The following ATP8B4 variants were observed in gnomAD, a reference collection of about 807,000 sequenced individuals.
ATP8B4 encodes ATPase phospholipid transporting 8B4 (putative).
A neutral mutation model predicts 145.6 loss-of-function variants in ATP8B4; 133 were observed. That is an observed-to-expected ratio of 0.91 (90% CI 0.79 to 1.05). The LOEUF is 1.05. Ranked by LOEUF, ATP8B4 falls within the 50% of genes least tolerant of loss-of-function variation. The pLI, the probability that ATP8B4 is intolerant of heterozygous loss-of-function variation, is 0.00. For synonymous variants in ATP8B4, 507 were observed against 492.9 expected (o/e 1.03, Z -0.38); for missense variants, 1,458 against 1,425.2 (o/e 1.02, Z -0.37).
rs1225251097 is a variant in ATP8B4, at chr15:49,947,935, G to A, written c.1288-13753C>T. ...ATATGCACAGGCAAAAGAAAAAAAT[G>A]GACCATTATCTTACATCTAACACAA... On this transcript the variant is annotated intron_variant, in intron 14 of 27. Coordinates refer to ENST00000284509, the MANE Select transcript of ATP8B4 (RefSeq NM_024837.4). Among the ~76,000 whole-genome samples the A allele has an allele frequency of 2.0e-5, 3 of 152,004 alleles. No homozygotes were observed. In the East Asian group the frequency reaches 5.8e-4, roughly 29 times the overall value.
chr15:50,042,269 A>G (rs2051353110), intron 5 of ATP8B4, among the ~76,000 whole-genome samples: 1 of 152,230 alleles, frequency 6.6e-6, no homozygotes, highest in African/African-American at 2.4e-5. Flanking sequence ...ATTCTTTAAA[A>G]AATGATATAT....
At chr15:49,984,736 T>C (rs1427269450) in intron 10 of ATP8B4, among the ~76,000 whole-genome samples, 1 of 151,808 alleles carries the variant, frequency 6.6e-6, no homozygotes, top group East Asian at 1.9e-4. Flanking sequence ...CCTATTAGTA[T>C]AAACCATACA....
At chr15:50,165,099 A>C (rs1275774390) in intron 1 of ATP8B4, among the ~76,000 whole-genome samples, 1 of 151,068 alleles carries the variant, frequency 6.6e-6, no homozygotes, top group Non-Finnish European at 1.5e-5. Flanking sequence ...ACCCATGCTG[A>C]AGTCCAGCGG....
intron 15 of ATP8B4, among the ~76,000 whole-genome samples, chr15:49,931,734 G>A (rs2041275924): frequency 6.6e-6 from 1 of 151,856 alleles, no homozygotes; most frequent in Non-Finnish European, 1.5e-5. Flanking sequence ...ATTTTATACT[G>A]GTGGAACCTA....
rs745831786 is a variant in ATP8B4, at chr15:49,876,516, C to T, written c.2789G>A (p.Ser930Asn). ...LAMGIFDQDVSDQNSVDCPQL... is the reference protein window; with the variant it reads ...LAMGIFDQDVNDQNSVDCPQL... ...GGGACAGTCCACGCTGTTCTGGTCA[C>T]TCACATCCTGTAAACAGAGTGTAAT... Residue 930 changes from serine (S) to asparagine (N), a missense_variant, in exon 25 of 28, where the codon AGT (serine) becomes AAT (asparagine). By Grantham distance (46) the Ser-to-Asn change is conservative. Transcript: ENST00000284509. 1.2e-6 allele frequency: 2 copies of T among 1,614,014 alleles called. No homozygotes were observed. Among genetic ancestry groups the T allele is most frequent in the East Asian group, 4.5e-5 (2 of 44,868 alleles).
chr15:50,133,415 CAA>C (rs56780721), intron 1 of ATP8B4, among the ~76,000 whole-genome samples: 8 of 147,966 alleles, frequency 5.4e-5, no homozygotes, highest in South Asian at 2.1e-4. Flanking sequence ...TTCATCTCTA[CAA>C]AAAAAAAATT....
chr15:50,045,923 G>C (rs140420620), intron 4 of ATP8B4, among the ~76,000 whole-genome samples: 69 of 152,284 alleles, frequency 4.5e-4, no homozygotes, highest in African/African-American at 1.6e-3. Flanking sequence ...GGGAGAGGTG[G>C]GGGGAAGAAA....
At chr15:50,005,224 C>T (rs1336253792) in intron 7 of ATP8B4, among the ~76,000 whole-genome samples, 1 of 152,184 alleles carries the variant, frequency 6.6e-6, no homozygotes, top group Non-Finnish European at 1.5e-5. Context: ...CCTTCCCCAA[C>T]TTCCATGGGC....
In ATP8B4 at chr15:49,901,173, T is replaced by C; in HGVS notation, c.2208A>G (p.Lys736=). Residue 736 remains lysine, a synonymous_variant, in exon 21 of 28, where the codon AAA becomes AAG. Coordinates refer to ENST00000284509, the MANE Select transcript of ATP8B4 (RefSeq NM_024837.4). ...NFSNGHVVCE[K]KQQLELDSIV... The stretch of plus-strand genomic sequence containing the variant: ...TAGAATCCAACTCCAGCTGCTGCTT[T>C]TTTTCACAAACTACATGGCCATTGG... The C allele has an allele frequency of 1.2e-6, 2 of 1,613,702 alleles. No individual in the cohort carries two copies. The highest frequency in any genetic ancestry group is 1.7e-6 in the Non-Finnish European group (2 of 1,179,698).
chr15:50,038,657 T>C, intron 6 of ATP8B4, 111 bp downstream of exon 6: 4 of 799,238 alleles, frequency 5.0e-6, no homozygotes, highest in Non-Finnish European at 7.9e-6. Context: ...TTTAATAAAT[T>C]AAAGGGAAAA....
chr15:49,949,673 C>T (rs1279693441), intron 14 of ATP8B4, among the ~76,000 whole-genome samples: 1 of 152,054 alleles, frequency 6.6e-6, no homozygotes, highest in Non-Finnish European at 1.5e-5. Flanking sequence ...TTTCTCTTGC[C>T]TGACTACCCT....
intron 25 of ATP8B4, 86 bp downstream of exon 25, chr15:49,876,192 C>A (rs2034390180): frequency 2.6e-6 from 4 of 1,512,242 alleles, no homozygotes; most frequent in Non-Finnish European, 3.6e-6. Flanking sequence ...ATTATTTCCC[C>A]CCAACAAGTA....
intron 17 of ATP8B4, chr15:49,922,414 G>C: frequency 2.2e-6 from 1 of 446,722 alleles, no homozygotes; most frequent in South Asian, 1.6e-5. Flanking sequence ...TCCTGGAAAA[G>C]ATTAAAAGAA....
At chr15:49,973,461 A>G (rs951408357) in intron 12 of ATP8B4, among the ~76,000 whole-genome samples, 3 of 152,196 alleles carry the variant, frequency 2.0e-5, no homozygotes, top group African/African-American at 7.2e-5. Context: ...ATTCTCTCCA[A>G]TACATTGTTT....
intron 7 of ATP8B4, chr15:50,009,752 C>T (rs1567191806): frequency 2.2e-6 from 1 of 447,206 alleles, no homozygotes; most frequent in Non-Finnish European, 4.5e-6. Context: ...GAGAACCTGG[C>T]AAACTGTTCT....
intron 2 of ATP8B4, among the ~76,000 whole-genome samples, chr15:50,098,980 T>A (rs1242139101): frequency 6.6e-6 from 1 of 152,176 alleles, no homozygotes; most frequent in African/African-American, 2.4e-5. Context: ...TTTTCATGTG[T>A]TTTTATGGAG....
intron 10 of ATP8B4, 80 bp downstream of exon 10, chr15:49,987,311 A>C: frequency 6.7e-7 from 1 of 1,496,534 alleles, no homozygotes; most frequent in South Asian, 1.3e-5. Context: ...CGCTCATCAG[A>C]ACACAGAGAA....
At chr15:50,082,332 G>A (rs12905605) in intron 2 of ATP8B4, among the ~76,000 whole-genome samples, 26,673 of 152,006 alleles carry the variant, frequency 0.18, 2,890 homozygotes, top group Non-Finnish European at 0.25. Context: ...TGCGGCTTCT[G>A]GAACTTATTG....
chr15:50,013,368 T>C (rs1194876653), intron 6 of ATP8B4, among the ~76,000 whole-genome samples: 1 of 152,142 alleles, frequency 6.6e-6, no homozygotes, highest in African/African-American at 2.4e-5. Context: ...CTCCACAGAC[T>C]CAGCACCTTC....
Sources: allele counts gnomAD v4.1 joint callset (sites outside exome capture counted in the v4.1 genomes callset), GRCh38; gene constraint gnomAD v4.1.1; transcripts MANE v1.5; gene names NCBI Gene and HGNC (gene_info 2026-07-23, HGNC 2026-07-21).